OAS2: variants seen among roughly 807,000 people sequenced by gnomAD.
The protein encoded by OAS2 is 2'-5'-oligoadenylate synthetase 2.
A neutral mutation model predicts 71.3 loss-of-function variants in OAS2; 67 were observed. The ratio of observed to expected loss-of-function variants is 0.94; its 90% CI spans 0.77 to 1.15. The LOEUF (loss-of-function observed/expected upper bound fraction) is 1.15, where lower values mean the gene tolerates loss of function less well. Ranked by LOEUF, OAS2 falls within the 50% of genes most tolerant of loss-of-function variation. OAS2 has a pLI of 0.00. For missense variants in OAS2, 789 were observed against 822.5 expected, an observed-to-expected ratio of 0.96 and a Z score of 0.50; for synonymous variants, 327 against 321.8, an observed-to-expected ratio of 1.02 and a Z score of -0.17.
intron 1 of OAS2, among the ~76,000 whole-genome samples, chr12:112,980,003 G>A (rs2044065377): frequency 6.6e-6 from 1 of 152,124 alleles, no homozygotes; most frequent in Admixed American, 6.5e-5. Flanking sequence ...TTAGTGCGTG[G>A]TTTCTCTGAC....
chr12:112,999,480 T>C (rs2044264584), intron 5 of OAS2, among the ~76,000 whole-genome samples: 1 of 152,228 alleles, frequency 6.6e-6, no homozygotes, highest in Non-Finnish European at 1.5e-5. Flanking sequence ...GCGGAATCTA[T>C]ACCCCGTTTG....
intron 5 of OAS2, 66 bp downstream of exon 5, chr12:112,998,476 G>A (rs1363400718): frequency 6.5e-7 from 1 of 1,546,386 alleles, no homozygotes; most frequent in Non-Finnish European, 8.7e-7. Flanking sequence ...ACCCAGGCTA[G>A]GTCTTATCTG....
intron 1 of OAS2, among the ~76,000 whole-genome samples, chr12:112,983,075 A>G (rs1427409682): frequency 6.6e-6 from 1 of 151,780 alleles, no homozygotes. Flanking sequence ...TTTTTAGTCT[A>G]TTTAGTCTAA....
At chr12:113,001,351 A>AAT (rs544839750) in intron 5 of OAS2, among the ~76,000 whole-genome samples, 41 of 141,596 alleles carry the variant, frequency 2.9e-4, no homozygotes, top group Admixed American at 6.6e-4. Context: ...CCAACCAAAA[A>AAT]ATATATATAT....
intron 8 of OAS2, among the ~76,000 whole-genome samples, 179 bp downstream of exon 8, chr12:113,006,779 T>G (rs1343617219): frequency 6.6e-6 from 1 of 152,236 alleles, no homozygotes; most frequent in Non-Finnish European, 1.5e-5. Flanking sequence ...CAGGCGTTGA[T>G]GGCTTCTGCC....
chr12:112,990,818 C>T (rs960712571), intron 2 of OAS2, among the ~76,000 whole-genome samples: 1 of 152,000 alleles, frequency 6.6e-6, no homozygotes, highest in African/African-American at 2.4e-5. Context: ...TAGTGTTTGT[C>T]GATTGTGCCT....
intron 1 of OAS2, among the ~76,000 whole-genome samples, chr12:112,979,026 C>A (rs1269339694): frequency 3.3e-5 from 5 of 152,174 alleles, no homozygotes; most frequent in Admixed American, 3.3e-4. Flanking sequence ...GCATAATACC[C>A]ACTTCAGAGT....
chr12:112,979,129 T>C (rs1478469509), intron 1 of OAS2, among the ~76,000 whole-genome samples: 1 of 152,186 alleles, frequency 6.6e-6, no homozygotes, highest in Non-Finnish European at 1.5e-5. Flanking sequence ...TCTTCTATCC[T>C]CTCCACAGTA....
rs73432801 is a variant in OAS2 at position 113,003,986 on chromosome 12, C to A, written c.1179+884C>A. Among the ~76,000 whole-genome samples, 819 of 152,318 alleles carry A rather than the reference C, an allele frequency of 5.4e-3. 7 individuals carry two copies. Among genetic ancestry groups the A allele is most frequent in the African/African-American group, 0.019 (795 of 41,560 alleles). ...ATTGTCAAAGCATGTGCTTTCTCCT[C>A]TCCTTCCTGAAACCCCATTCACATG... On this transcript the variant is annotated intron_variant, in intron 6 of 9. Transcript: ENST00000392583.
chr12:113,004,016 T>C (rs1239566214), intron 6 of OAS2, among the ~76,000 whole-genome samples: 1 of 152,098 alleles, frequency 6.6e-6, no homozygotes, highest in African/African-American at 2.4e-5. Flanking sequence ...CACATGATAG[T>C]CAGTGAAAAA....
chr12:112,978,879 C>A lies in OAS2; in HGVS notation c.177+94C>A. The A allele has an allele frequency of 1.6e-6, 2 of 1,223,238 alleles. No homozygotes were observed. Among genetic ancestry groups the A allele is most frequent in the Non-Finnish European group, 2.3e-6 (2 of 880,904 alleles). The allele number at this position is 1,223,238 out of a possible 1,614,324, so 75.8% of individuals were successfully genotyped here. Reference sequence around the variant, plus strand: ...CTGGGTGCTGGGTGCCTATTATGTGCGAGGCCCACACTTGGGTGGGATGTG... The same window carrying A: ...CTGGGTGCTGGGTGCCTATTATGTGAGAGGCCCACACTTGGGTGGGATGTG... On this transcript the variant is annotated intron_variant, in intron 1 of 9. Coordinates refer to ENST00000392583, the MANE Select transcript of OAS2 (RefSeq NM_002535.3). The surrounding 1 kb of genome is among the most constrained non-coding windows in gnomAD (Gnocchi z 4.2).
intron 1 of OAS2, among the ~76,000 whole-genome samples, chr12:112,980,969 A>G (rs2136374017): frequency 6.6e-6 from 1 of 152,220 alleles, no homozygotes; most frequent in South Asian, 2.1e-4. Context: ...GTGATTAGTG[A>G]TGTCAAGCAT....
rs756832935 is a variant in OAS2 at position 112,978,731 on chromosome 12, C to T, written c.123C>T (p.Ile41=). The change falls in exon 1 of 10, where the codon ATC becomes ATT. Residue 41 remains isoleucine (I), a synonymous_variant. Transcript: ENST00000392583. This position sits in a 1 kb window ranked among gnomAD's most constrained non-coding sequence, Gnocchi z 4.2. ...QTLIDEMVNT[I]CDVLQEPEQF... is the part of the protein sequence containing the mutation. ...TGATCGACGAGATGGTGAACACCAT[C>T]TGTGACGTCCTGCAGGAACCCGAAC... 3 of 1,614,144 alleles carry T rather than the reference C, an allele frequency of 1.9e-6. No individual in the cohort carries two copies. The highest frequency in any genetic ancestry group is 2.2e-5 in the East Asian group (1 of 44,886).
intron 1 of OAS2, among the ~76,000 whole-genome samples, chr12:112,980,905 A>T (rs972471843): frequency 2.0e-5 from 3 of 152,112 alleles, no homozygotes; most frequent in African/African-American, 7.2e-5. Flanking sequence ...GATAATAGCT[A>T]TTCTAACTGG....
At chr12:112,988,137 A>T (rs1447044460) in intron 2 of OAS2, 4 of 985,164 alleles carry the variant, frequency 4.1e-6, no homozygotes, top group Non-Finnish European at 1.2e-6. Context: ...TAAGCCTACA[A>T]AATGTCCAGG....
intron 5 of OAS2, among the ~76,000 whole-genome samples, chr12:113,000,072 G>C (rs2044270204): frequency 1.3e-5 from 2 of 152,120 alleles, no homozygotes; most frequent in South Asian, 4.1e-4. Context: ...TTTATACTGA[G>C]CCCTTTGAGA....
At chr12:112,999,442 A>T (rs2044264259) in intron 5 of OAS2, among the ~76,000 whole-genome samples, 1 of 152,250 alleles carries the variant, frequency 6.6e-6, no homozygotes, top group African/African-American at 2.4e-5. Context: ...GTTCACAGAC[A>T]GATTAATTTA....
intron 7 of OAS2, among the ~76,000 whole-genome samples, chr12:113,005,918 CAAAAAAAA>C (rs138299398): frequency 0.011 from 535 of 49,076 alleles, 8 homozygotes; most frequent in Non-Finnish European, 0.014. Context: ...ACAACAACAA[CAAAAAAAA>C]AAAAAAAAAA....
chr12:112,988,405 G>T (rs1414189115), intron 2 of OAS2: 1 of 294,022 alleles, frequency 3.4e-6, no homozygotes, highest in Non-Finnish European at 5.0e-6. Context: ...TGAAAGTGAG[G>T]TACAGAAACA....
Sources: gnomAD v4.1 joint callset for allele counts (sites outside exome capture counted in the v4.1 genomes callset) on GRCh38, gnomAD v4.1.1 for gene constraint, Gnocchi (gnomAD v3.1) non-coding constraint, MANE v1.5 for transcripts, NCBI Gene and HGNC (gene_info 2026-07-23, HGNC 2026-07-21) for gene names.